Variants in PKP2 observed in about 807,000 individuals in gnomAD.
PKP2 encodes plakophilin 2.
In PKP2, 73 loss-of-function variants were observed where a neutral mutation model predicts 83.4. That is an observed-to-expected ratio of 0.88 (90% CI 0.72 to 1.06). The LOEUF is 1.06. Among genes scored for constraint, PKP2 ranks in the 50% least tolerant of loss-of-function variants. The probability of loss-of-function intolerance (pLI) is 0.00; values close to 1 mark genes in which losing one functional copy is unlikely to be tolerated. For synonymous variants in PKP2, 409 were observed against 430.4 expected, an observed-to-expected ratio of 0.95 and a Z score of 0.62; for missense variants, 966 against 1,065.4, an observed-to-expected ratio of 0.91 and a Z score of 1.30.
At chr12:32,815,268 G>T (rs929510224) in intron 9 of PKP2, among the ~76,000 whole-genome samples, 1 of 152,060 alleles carries the variant, frequency 6.6e-6, no homozygotes, top group Non-Finnish European at 1.5e-5. Flanking sequence ...ATCGCCTTCC[G>T]AATGATGTTC....
rs1381536021 is a variant in PKP2 at position 32,868,863 on chromosome 12, CAA to C, written c.1170+62_1170+63del. The C allele has an allele frequency of 1.8e-5, 28 of 1,545,280 alleles. No homozygotes were observed. The East Asian group carries it at 6.1e-4, about 33-fold the overall frequency. ...TAAATAAATTATTGGTTTCAGTGTG[CAA>C]AGTCACCATAATAGAAGTGAAAGTG... On this transcript the variant is annotated intron_variant, in intron 4 of 12. Coordinates refer to ENST00000340811, the MANE Select transcript of PKP2 (RefSeq NM_001005242.3).
intron 5 of PKP2, 101 bp from the exon 6 acceptor site, chr12:32,841,306 C>A: frequency 7.2e-6 from 7 of 975,088 alleles, no homozygotes; most frequent in Admixed American, 1.9e-5. Context: ...TATGACTAGT[C>A]ATAAAAAAAT....
intron 4 of PKP2, among the ~76,000 whole-genome samples, chr12:32,860,789 G>T (rs1157335890): frequency 1.3e-5 from 2 of 152,110 alleles, no homozygotes; most frequent in Non-Finnish European, 2.9e-5. Context: ...CAGCACTTTG[G>T]GAGGCCAAGG....
chr12:32,849,531 T>G (rs926944411), intron 5 of PKP2, among the ~76,000 whole-genome samples: 7 of 152,240 alleles, frequency 4.6e-5, no homozygotes, highest in African/African-American at 7.2e-5. Flanking sequence ...TCCTGTACTC[T>G]TTGTACTGTG....
intron 9 of PKP2, among the ~76,000 whole-genome samples, chr12:32,810,665 T>C (rs934471175): frequency 6.6e-6 from 1 of 151,092 alleles, no homozygotes; most frequent in African/African-American, 2.5e-5. Flanking sequence ...GGAAAGTACA[T>C]AGAATAAACA....
rs62001015 is a variant in PKP2 at position 32,878,174 on chromosome 12, C to A, written c.706G>T (p.Ala236Ser). ...VSDTVFDSIP[A>S]NPALLTYPRP... ...GGGTACGTGAGCAGGGCCGGGTTGGCAGGGATGCTGTCAAAAACGGTGTCG... is the reference window on the plus strand; with the variant it reads ...GGGTACGTGAGCAGGGCCGGGTTGGAAGGGATGCTGTCAAAAACGGTGTCG... Residue 236 changes from alanine (A) to serine (S), a missense_variant, in exon 3 of 13, where the codon GCC becomes TCC. By Grantham distance (99) the Ala-to-Ser change is moderately conservative. Coordinates refer to ENST00000340811, the MANE Select transcript of PKP2 (RefSeq NM_001005242.3). 476 of 1,614,220 alleles carry A rather than the reference C, an allele frequency of 2.9e-4. 1 individual carries two copies. In the African/African-American group the frequency reaches 5.6e-3, roughly 19 times the overall value.
intron 4 of PKP2, among the ~76,000 whole-genome samples, chr12:32,861,985 C>T (rs1956802755): frequency 6.6e-6 from 1 of 152,096 alleles, no homozygotes; most frequent in Non-Finnish European, 1.5e-5. Flanking sequence ...GCAACCTTCG[C>T]CTCCTGGGTT....
chr12:32,863,037 C>T (rs1956815130), intron 4 of PKP2: 1 of 152,996 alleles, frequency 6.5e-6, no homozygotes, highest in African/African-American at 2.4e-5. Flanking sequence ...GTATTCTTGC[C>T]TCGCCATCTT....
chr12:32,847,466 C>T (rs1185697030), intron 5 of PKP2, among the ~76,000 whole-genome samples: 2 of 152,176 alleles, frequency 1.3e-5, no homozygotes, highest in Non-Finnish European at 2.9e-5. Flanking sequence ...TGTTCTCTGA[C>T]GTTAGTCTCC....
At chr12:32,886,503 AT>A (rs536050546) in intron 1 of PKP2, among the ~76,000 whole-genome samples, 7 of 152,028 alleles carry the variant, frequency 4.6e-5, no homozygotes, top group Non-Finnish European at 1.0e-4. Context: ...TGGTGAAGGA[AT>A]TTTTTTTGTT....
At chr12:32,835,922 G>A (rs1261521069) in intron 6 of PKP2, among the ~76,000 whole-genome samples, 2 of 152,116 alleles carry the variant, frequency 1.3e-5, no homozygotes, top group African/African-American at 4.8e-5. Context: ...TGAGACTACT[G>A]GCACACACCA....
In PKP2 at chr12:32,878,446, A is replaced by G. The variant is rs1248218497; in HGVS notation, c.434T>C (p.Leu145Pro). Residue 145 changes from leucine to proline, a missense_variant, in exon 3 of 13, where the codon CTG becomes CCG. Coordinates refer to ENST00000340811, the MANE Select transcript of PKP2 (RefSeq NM_001005242.3). ...SVEERSLRHP[L>P]RRLEISPDSS... ...GTCAGGAGAAATCTCCAGTCTCCTC[A>G]GAGGATGCCTCAAGGACCTTTCTTC... The G allele has an allele frequency of 6.2e-7, 1 of 1,614,124 alleles. No individual in the cohort carries two copies.
rs549200211 is a variant in PKP2, at chr12:32,891,822, A to C, written c.223+4687T>G. Reference sequence around the variant, plus strand: ...AAGCATCCTTACTTTACCCTCACACAAAACTTCACCCCTAAGAGATGTGTT... The same window carrying C: ...AAGCATCCTTACTTTACCCTCACACCAAACTTCACCCCTAAGAGATGTGTT... On this transcript the variant is annotated intron_variant, in intron 1 of 12. Transcript: ENST00000340811. Among the ~76,000 whole-genome samples, 3 of 152,326 alleles carry C rather than the reference A, an allele frequency of 2.0e-5. 1 individual carries two copies. In the South Asian group the frequency reaches 6.2e-4, roughly 32 times the overall value.
intron 7 of PKP2, among the ~76,000 whole-genome samples, chr12:32,823,032 A>C (rs1159980762): frequency 6.6e-6 from 1 of 152,186 alleles, no homozygotes; most frequent in East Asian, 1.9e-4. Flanking sequence ...CATTAGAGGG[A>C]AGTGTAAGAA....
At chr12:32,855,320 G>T (rs1340487646) in intron 4 of PKP2, among the ~76,000 whole-genome samples, 1 of 152,236 alleles carries the variant, frequency 6.6e-6, no homozygotes, top group African/African-American at 2.4e-5. Context: ...TAGCCATACA[G>T]TTCCCTCATT....
At chr12:32,868,387 T>C (rs748777276) in intron 4 of PKP2, among the ~76,000 whole-genome samples, 98 of 152,026 alleles carry the variant, frequency 6.4e-4, no homozygotes, top group Non-Finnish European at 3.4e-4. Context: ...CTAATTTTTG[T>C]ATTTTTTTTT....
At chr12:32,834,162 C>T (rs530547121) in intron 6 of PKP2, among the ~76,000 whole-genome samples, 21 of 152,140 alleles carry the variant, frequency 1.4e-4, no homozygotes, top group Non-Finnish European at 2.8e-4. Context: ...AATCTCTTAC[C>T]AAATGCATTG....
chr12:32,846,353 T>A (rs1827299322), intron 5 of PKP2, among the ~76,000 whole-genome samples: 3 of 151,970 alleles, frequency 2.0e-5, no homozygotes, highest in African/African-American at 7.3e-5. Context: ...AGTGGGGGTG[T>A]CTTTGATCCT....
At chr12:32,847,313 T>G (rs564112806) in intron 5 of PKP2, among the ~76,000 whole-genome samples, 181 of 152,324 alleles carry the variant, frequency 1.2e-3, no homozygotes, top group African/African-American at 4.3e-3. Context: ...TTTGGTTCAA[T>G]TAGCATGTAA....
Sources: gnomAD v4.1 joint callset for allele counts (sites outside exome capture counted in the v4.1 genomes callset) on GRCh38, gnomAD v4.1.1 for gene constraint, MANE v1.5 for transcripts, NCBI Gene and HGNC (gene_info 2026-07-23, HGNC 2026-07-21) for gene names.